The following DTNA variants were observed in gnomAD, a reference collection of about 807,000 sequenced individuals.
DTNA encodes dystrobrevin alpha.
A neutral mutation model predicts 100.7 loss-of-function variants in DTNA; 43 were observed. That is an observed-to-expected ratio of 0.43 (90% CI 0.33 to 0.55). DTNA has a LOEUF of 0.55. Ranked by LOEUF, DTNA falls within the 20% of genes least tolerant of loss-of-function variation. The pLI is 0.04. For missense variants in DTNA, 798 were observed against 953.9 expected (o/e 0.84, Z 2.15); for synonymous variants, 349 against 347.9 (o/e 1.00, Z -0.04).
chr18:34,516,986 A>G (rs1327637746), intron 1 of DTNA, among the ~76,000 whole-genome samples: 1 of 151,520 alleles, frequency 6.6e-6, no homozygotes, highest in African/African-American at 2.4e-5. Context: ...AAATCTTCAC[A>G]ATTTATGTTC....
chr18:34,582,378 A>G (rs573704315), intron 1 of DTNA, among the ~76,000 whole-genome samples: 6 of 152,330 alleles, frequency 3.9e-5, no homozygotes, highest in African/African-American at 9.6e-5. Context: ...GGGAAACTCC[A>G]GAGTCTCACA....
At chr18:34,851,807 T>C (rs755405085) in intron 14 of DTNA, 24 bp from the exon 15 acceptor site, 2 of 1,611,844 alleles carry the variant, frequency 1.2e-6, no homozygotes, top group Non-Finnish European at 1.7e-6. Flanking sequence ...CAATATGAAA[T>C]CTTATAAACT....
intron 1 of DTNA, among the ~76,000 whole-genome samples, chr18:34,727,182 T>C (rs564028426): frequency 2.0e-5 from 3 of 152,320 alleles, no homozygotes; most frequent in African/African-American, 7.2e-5. Flanking sequence ...GGCAGCAGGG[T>C]CCTGGGCCTG....
intron 1 of DTNA, among the ~76,000 whole-genome samples, chr18:34,575,732 C>T (rs1185827093): frequency 6.6e-6 from 1 of 152,136 alleles, no homozygotes; most frequent in Non-Finnish European, 1.5e-5. Flanking sequence ...TGGATGGATT[C>T]TGATTTATCC....
intron 1 of DTNA, among the ~76,000 whole-genome samples, chr18:34,583,613 T>C (rs913456482): frequency 3.3e-5 from 5 of 150,590 alleles, no homozygotes; most frequent in African/African-American, 1.2e-4. Flanking sequence ...GGAAATGGAA[T>C]GAATGAGTGG....
chr18:34,851,742 C>T, intron 14 of DTNA, 89 bp from the exon 15 acceptor site: 1 of 1,335,248 alleles, frequency 7.5e-7, no homozygotes, highest in Non-Finnish European at 1.1e-6. Context: ...ATTCCCTCCT[C>T]CTTGTCTGCA....
chr18:34,826,224 TA>T (rs1446657119), intron 9 of DTNA, among the ~76,000 whole-genome samples: 2 of 152,186 alleles, frequency 1.3e-5, no homozygotes, highest in African/African-American at 4.8e-5. Flanking sequence ...TGTTATTTTT[TA>T]TTTTTTTATT....
intron 1 of DTNA, among the ~76,000 whole-genome samples, chr18:34,586,811 G>T (rs1228339208): frequency 6.6e-6 from 1 of 152,186 alleles, no homozygotes; most frequent in Non-Finnish European, 1.5e-5. Context: ...TAATCCAATA[G>T]AGGTGGTCCT....
chr18:34,581,028 G>C (rs207476743), intron 1 of DTNA, among the ~76,000 whole-genome samples: 4 of 152,088 alleles, frequency 2.6e-5, no homozygotes, highest in South Asian at 4.1e-4. Context: ...GGCGGATCAC[G>C]AGGTCAGGAA....
chr18:34,620,954 T>C (rs1379590744), intron 1 of DTNA, among the ~76,000 whole-genome samples: 2 of 152,032 alleles, frequency 1.3e-5, no homozygotes, highest in Non-Finnish European at 2.9e-5. Context: ...TGAATTGCTT[T>C]GGGAGCAATT....
intron 1 of DTNA, among the ~76,000 whole-genome samples, chr18:34,522,786 G>T (rs2042269303): frequency 6.6e-6 from 1 of 152,158 alleles, no homozygotes; most frequent in African/African-American, 2.4e-5. Flanking sequence ...AAGAAGGCTG[G>T]CCGCTCTGCT....
At position 34,639,693 on chromosome 18, in the gene DTNA, T is replaced by A. The variant is rs560618702; in HGVS notation, c.-1-116283T>A. ...TTCAAGCTATAAACACAGCTCTTCC[T>A]GACCTACTCCAGGACTCAGAAGGAA... On this transcript the variant is annotated intron_variant, in intron 1 of 19. Coordinates refer to the DTNA transcript ENST00000283365. Among the ~76,000 whole-genome samples the A allele has an allele frequency of 2.6e-5, 4 of 152,340 alleles. No individual in the cohort carries two copies. The South Asian group carries it at 6.2e-4, about 24-fold the overall frequency.
chr18:34,723,664 C>T (rs953834002), intron 1 of DTNA, among the ~76,000 whole-genome samples: 3 of 152,144 alleles, frequency 2.0e-5, no homozygotes, highest in African/African-American at 4.8e-5. Flanking sequence ...TTTGGGAGGC[C>T]GAGGCAGGTA....
chr18:34,611,951 T>A (rs1338389805), intron 1 of DTNA, among the ~76,000 whole-genome samples: 2 of 152,202 alleles, frequency 1.3e-5, no homozygotes, highest in Non-Finnish European at 2.9e-5. Context: ...GGCCTGTGTT[T>A]CACGGGGCTC....
intron 1 of DTNA, among the ~76,000 whole-genome samples, chr18:34,656,354 A>G (rs2074367897): frequency 6.6e-6 from 1 of 152,086 alleles, no homozygotes; most frequent in Non-Finnish European, 1.5e-5. Flanking sequence ...TTTGGATTTT[A>G]TTTTCTGCAC....
intron 11 of DTNA, among the ~76,000 whole-genome samples, chr18:34,836,036 A>G (rs2096133728): frequency 6.6e-6 from 1 of 152,248 alleles, no homozygotes; most frequent in African/African-American, 2.4e-5. Context: ...TAATAGATTC[A>G]TCTATCTTTA....
At position 34,889,559 on chromosome 18, in the gene DTNA, G is replaced by T; in HGVS notation, c.*1825G>T. 1 of 985,408 alleles carries T rather than the reference G, an allele frequency of 1.0e-6. No homozygotes were observed. The allele number at this position is 985,408 out of a possible 1,614,324, so 61.0% of individuals were successfully genotyped here. A position where few individuals can be genotyped will look rare whatever the true frequency, so the allele number is the denominator to read the frequency against. On this transcript the variant is annotated 3_prime_UTR_variant, in exon 23 of 23. Coordinates refer to ENST00000444659, the MANE Select transcript of DTNA (RefSeq NM_001386795.1). ...CCACACACCAAGTTCGTAGTTGGTA[G>T]GTGCCCAGCCAAGTCCTGACATCTT...
At chr18:34,766,724 CA>C (rs1256630293) in intron 3 of DTNA, among the ~76,000 whole-genome samples, 2 of 152,078 alleles carry the variant, frequency 1.3e-5, no homozygotes, top group African/African-American at 4.8e-5. Context: ...AAATATCAAA[CA>C]TTAAATCCCC....
rs569081717 is a variant in DTNA at position 34,753,543 on chromosome 18, C to T, written c.-1-2433C>T. Reference sequence around the variant, plus strand: ...GACTACAGGCGCCCGCCACTACGCCCGGCTAATTTTTTGTATTTTTAGTAG... The same window carrying T: ...GACTACAGGCGCCCGCCACTACGCCTGGCTAATTTTTTGTATTTTTAGTAG... On this transcript the variant is annotated intron_variant, in intron 1 of 22. Transcript: ENST00000444659. Among the ~76,000 whole-genome samples, 22 of 146,660 alleles carry T rather than the reference C, an allele frequency of 1.5e-4. 1 individual carries two copies. The highest frequency in any genetic ancestry group is 5.8e-4 in the East Asian group (3 of 5,134).
Sources: gnomAD v4.1 joint callset for allele counts (sites outside exome capture counted in the v4.1 genomes callset) on GRCh38, gnomAD v4.1.1 for gene constraint, MANE v1.5 for transcripts, NCBI Gene and HGNC (gene_info 2026-07-23, HGNC 2026-07-21) for gene names.